Variants in NCAM2 observed in about 807,000 individuals in gnomAD.
The protein encoded by NCAM2 is neural cell adhesion molecule 2.
A neutral mutation model predicts 98.1 loss-of-function variants in NCAM2; 30 were observed. That is an observed-to-expected ratio of 0.31 (90% CI 0.23 to 0.41). The LOEUF (loss-of-function observed/expected upper bound fraction) is 0.41, where lower values mean the gene tolerates loss of function less well. Ranked by LOEUF, NCAM2 falls within the 10% of genes least tolerant of loss-of-function variation. The pLI, the probability that NCAM2 is intolerant of heterozygous loss-of-function variation, is 1.00. For missense variants in NCAM2, 867 were observed against 1,005.8 expected (o/e 0.86, Z 1.87); for synonymous variants, 368 against 342.4 (o/e 1.07, Z -0.83).
chr21:21,106,656 A>G (rs1213025229), intron 1 of NCAM2, among the ~76,000 whole-genome samples: 1 of 151,752 alleles, frequency 6.6e-6, no homozygotes, highest in Non-Finnish European at 1.5e-5. Flanking sequence ...ATCTATTGGT[A>G]TTAATTAGAA....
chr21:21,498,975 G>C (rs1483011761), intron 15 of NCAM2, among the ~76,000 whole-genome samples: 1 of 152,110 alleles, frequency 6.6e-6, no homozygotes, highest in East Asian at 1.9e-4. Context: ...GTGACAGTAA[G>C]AGCATTAGTA....
intron 9 of NCAM2, among the ~76,000 whole-genome samples, chr21:21,393,565 A>G (rs2076428950): frequency 6.6e-6 from 1 of 152,126 alleles, no homozygotes; most frequent in Non-Finnish European, 1.5e-5. Context: ...ATATCTTAAT[A>G]AACCAAGATT....
At chr21:21,229,097 T>C (rs1266745505) in intron 1 of NCAM2, among the ~76,000 whole-genome samples, 1 of 151,552 alleles carries the variant, frequency 6.6e-6, no homozygotes, top group Non-Finnish European at 1.5e-5. Flanking sequence ...CTTCCATTAT[T>C]TTCTCTACCC....
chr21:21,227,952 T>C (rs1263999446), intron 1 of NCAM2, among the ~76,000 whole-genome samples: 4 of 151,772 alleles, frequency 2.6e-5, no homozygotes, highest in Non-Finnish European at 4.4e-5. Context: ...TTTAATGAAT[T>C]TGATTTCATA....
chr21:21,484,978 A>G (rs927603822), intron 15 of NCAM2, among the ~76,000 whole-genome samples: 2 of 152,124 alleles, frequency 1.3e-5, no homozygotes, highest in East Asian at 1.9e-4. Context: ...TCATAATTTT[A>G]TTATGTAGAA....
chr21:21,140,153 C>G (rs975983476), intron 1 of NCAM2, among the ~76,000 whole-genome samples: 12 of 152,064 alleles, frequency 7.9e-5, no homozygotes, highest in Non-Finnish European at 1.5e-4. Context: ...ATTTTTAAGT[C>G]ATTACAATTG....
At chr21:21,014,835 T>C (rs188852311) in intron 1 of NCAM2, among the ~76,000 whole-genome samples, 1 of 152,216 alleles carries the variant, frequency 6.6e-6, no homozygotes. Context: ...TTCACCATTC[T>C]AGATGCCATT....
At chr21:21,086,032 A>C (rs964950915) in intron 1 of NCAM2, among the ~76,000 whole-genome samples, 2 of 152,220 alleles carry the variant, frequency 1.3e-5, no homozygotes, top group African/African-American at 2.4e-5. Context: ...AAGGGATTCT[A>C]ATATTTCACT....
At chr21:21,443,987 A>G (rs2146093376) in intron 12 of NCAM2, among the ~76,000 whole-genome samples, 1 of 152,224 alleles carries the variant, frequency 6.6e-6, no homozygotes, top group Non-Finnish European at 1.5e-5. Context: ...TGTCATAAAT[A>G]GCTCTTCTTT....
At chr21:21,076,954 A>G (rs182724109) in intron 1 of NCAM2, among the ~76,000 whole-genome samples, 47 of 152,218 alleles carry the variant, frequency 3.1e-4, no homozygotes, top group African/African-American at 7.0e-4. Context: ...CCTTGGCCCA[A>G]TTGTTGAGGC....
At chr21:21,338,587 T>A in intron 8 of NCAM2, 53 bp downstream of exon 8, 1 of 1,454,780 alleles carries the variant, frequency 6.9e-7, no homozygotes, top group Non-Finnish European at 9.1e-7. Context: ...TTTCAGTATT[T>A]TCAATATCAT....
intron 1 of NCAM2, among the ~76,000 whole-genome samples, chr21:21,232,291 G>C (rs948132367): frequency 2.0e-5 from 3 of 151,386 alleles, no homozygotes; most frequent in Non-Finnish European, 4.4e-5. Context: ...CACATAAATG[G>C]ATACACATTC....
intron 1 of NCAM2, among the ~76,000 whole-genome samples, chr21:21,003,034 T>A (rs1386202081): frequency 6.6e-6 from 1 of 152,184 alleles, no homozygotes; most frequent in Non-Finnish European, 1.5e-5. Context: ...GTTCAACAAA[T>A]AAAAGTGCTT....
intron 5 of NCAM2, among the ~76,000 whole-genome samples, chr21:21,314,983 G>A (rs1019768526): frequency 6.6e-6 from 1 of 152,118 alleles, no homozygotes; most frequent in Non-Finnish European, 1.5e-5. Flanking sequence ...GTTCTTAACA[G>A]GTAAAACAAT....
Position 21,284,370 on chromosome 21 carries a change from C to G in NCAM2, c.307C>G (p.Gln103Glu). The change falls in exon 3 of 18, where the codon CAA (glutamine) becomes GAA (glutamate). Residue 103 changes from glutamine to glutamate, a missense_variant. Physicochemically the swap from Gln to Glu is conservative, Grantham distance 29. Around this residue, in one of 5 missense-constraint regions of NCAM2, gnomAD observed 447 missense variants for 495.7 expected, o/e 0.90. Transcript: ENST00000400546. ...CQATDAKGQT[Q>E]EATVVLEIYQ... is the part of the protein sequence containing the mutation. Reference sequence around the variant, plus strand: ...AGCAACAGATGCCAAAGGACAAACACAAGAAGCTACAGTAGTTTTGGAAAT... The same window carrying G: ...AGCAACAGATGCCAAAGGACAAACAGAAGAAGCTACAGTAGTTTTGGAAAT... 1 of 1,612,034 alleles carries G rather than the reference C, an allele frequency of 6.2e-7. No individual in the cohort carries two copies. The highest frequency in any genetic ancestry group is 8.5e-7 in the Non-Finnish European group (1 of 1,178,612).
intron 1 of NCAM2, among the ~76,000 whole-genome samples, chr21:21,065,765 T>C (rs181416681): frequency 1.1e-4 from 17 of 152,336 alleles, no homozygotes; most frequent in African/African-American, 3.8e-4. Flanking sequence ...GTGTGTACTA[T>C]GACTACTATA....
intron 1 of NCAM2, among the ~76,000 whole-genome samples, chr21:21,234,113 A>C (rs1207931934): frequency 9.2e-5 from 14 of 151,824 alleles, no homozygotes; most frequent in Non-Finnish European, 2.1e-4. Context: ...GTGTAAGGAA[A>C]ATTTATTAAT....
At chr21:21,457,702 G>T (rs945578302) in intron 12 of NCAM2, among the ~76,000 whole-genome samples, 5 of 151,984 alleles carry the variant, frequency 3.3e-5, no homozygotes, top group African/African-American at 1.2e-4. Context: ...AGTGTTTTTG[G>T]TAAGTTACAA....
At chr21:21,246,263 A>C (rs1392101106) in intron 1 of NCAM2, among the ~76,000 whole-genome samples, 1 of 152,084 alleles carries the variant, frequency 6.6e-6, no homozygotes, top group Non-Finnish European at 1.5e-5. Flanking sequence ...CCTGACTGCA[A>C]GCTCATGAGC....
Sources: gnomAD v4.1 joint callset for allele counts (sites outside exome capture counted in the v4.1 genomes callset) on GRCh38, gnomAD v4.1.1 for gene constraint, gnomAD v4.1.1 regional missense constraint, MANE v1.5 for transcripts, NCBI Gene and HGNC (gene_info 2026-07-23, HGNC 2026-07-21) for gene names.